The following ARHGAP24 variants were observed in gnomAD, a reference collection of about 807,000 sequenced individuals.
ARHGAP24 encodes the protein rho GTPase-activating protein 24.
A neutral mutation model predicts 76.4 loss-of-function variants in ARHGAP24; 50 were observed. The ratio of observed to expected loss-of-function variants is 0.65; its 90% CI spans 0.52 to 0.83. The LOEUF is 0.83. Ranked by LOEUF, ARHGAP24 falls within the 40% of genes least tolerant of loss-of-function variation. ARHGAP24 has a pLI of 0.00. For missense variants in ARHGAP24, 930 were observed against 914.2 expected, an observed-to-expected ratio of 1.02 and a Z score of -0.22; for synonymous variants, 345 against 323.3, an observed-to-expected ratio of 1.07 and a Z score of -0.72.
In ARHGAP24 at chr4:85,687,114, TGATG is replaced by T. The variant is rs1264287420; in HGVS notation, c.181-34763_181-34760del. 3.4e-3 allele frequency among the ~76,000 whole-genome samples: 519 copies of T among 150,534 alleles called. 3 individuals are homozygous for T. Among genetic ancestry groups the T allele is most frequent in the African/African-American group, 0.012 (491 of 39,972 alleles). Reference sequence around the variant, plus strand: ...TAGATAATGGTGATGATGATGATGATGATGGATGGATAGATAGATAATTTTAATT... The same window carrying T: ...TAGATAATGGTGATGATGATGATGATGATGGATAGATAGATAATTTTAATT... On this transcript the variant is annotated intron_variant, in intron 2 of 9. Transcript: ENST00000395184.
chr4:85,771,768 G>C (rs977294294), intron 3 of ARHGAP24, among the ~76,000 whole-genome samples: 6 of 152,140 alleles, frequency 3.9e-5, no homozygotes, highest in African/African-American at 1.4e-4. Flanking sequence ...TGAGTGCAGT[G>C]GCACAATCCC....
intron 3 of ARHGAP24, among the ~76,000 whole-genome samples, chr4:85,823,879 C>G (rs1578263603): frequency 7.4e-6 from 1 of 135,552 alleles, no homozygotes; most frequent in South Asian, 2.8e-4. Context: ...CCCCTTTCTT[C>G]CCTTTCTTTC....
intron 3 of ARHGAP24, among the ~76,000 whole-genome samples, chr4:85,873,334 G>A (rs543812264): frequency 1.3e-5 from 2 of 152,280 alleles, no homozygotes; most frequent in South Asian, 2.1e-4. Context: ...CATTATGGCC[G>A]CTTGATAAAT....
intron 4 of ARHGAP24, among the ~76,000 whole-genome samples, chr4:85,939,274 G>T (rs932221267): frequency 2.6e-5 from 4 of 152,168 alleles, no homozygotes; most frequent in Middle Eastern, 3.2e-3. Flanking sequence ...CTCAGTTGTA[G>T]AATGTACTAA....
chr4:85,630,161 A>G (rs1221238557), intron 2 of ARHGAP24, among the ~76,000 whole-genome samples: 1 of 152,072 alleles, frequency 6.6e-6, no homozygotes, highest in Non-Finnish European at 1.5e-5. Flanking sequence ...CAGTTCAGGC[A>G]TTGGAGTTTT....
chr4:85,567,774 TTTTAATCA>T (rs1195806455), intron 1 of ARHGAP24, among the ~76,000 whole-genome samples: 1 of 152,206 alleles, frequency 6.6e-6, no homozygotes, highest in Non-Finnish European at 1.5e-5. Flanking sequence ...AAGTGTAGAA[TTTTAATCA>T]TTTTATTTCT....
At chr4:85,557,375 T>C (rs1346468966) in intron 1 of ARHGAP24, among the ~76,000 whole-genome samples, 1 of 152,218 alleles carries the variant, frequency 6.6e-6, no homozygotes, top group Non-Finnish European at 1.5e-5. Context: ...CATGTGTGCT[T>C]GAGCAGGGCT....
Position 85,643,504 on chromosome 4 carries a change from C to T in ARHGAP24, c.180+72783C>T, listed in dbSNP as rs960733878. ...CGATCTCCTGACCTCATGATCCACC[C>T]GCCTCGGCCTCCCAAAGTGCTGGGA... On this transcript the variant is annotated intron_variant, in intron 2 of 9. Transcript: ENST00000395184. Among the ~76,000 whole-genome samples, 5 of 77,178 alleles carry T rather than the reference C, an allele frequency of 6.5e-5. 1 individual carries two copies. Among genetic ancestry groups the T allele is most frequent in the African/African-American group, 1.5e-4 (4 of 27,348 alleles). 50.6% of individuals were successfully genotyped at this position (77,178 alleles called of 152,430 possible).
chr4:85,898,053 ATATAT>A (rs1278314408), intron 3 of ARHGAP24, among the ~76,000 whole-genome samples: 13 of 121,832 alleles, frequency 1.1e-4, no homozygotes, highest in South Asian at 4.7e-4. Context: ...ATATATATAT[ATATAT>A]AATTATTTTT....
In ARHGAP24 at chr4:86,000,591, C is replaced by T. The variant is rs755986735; in HGVS notation, c.2116C>T (p.Arg706Ter). ...MIEIKMRNAE[R>*]AKEDAEKRND... ...AGAAATAAAAATGCGAAATGCCGAG[C>T]GAGCAAAAGAAGATGCCGAGAAAAG... is the stretch of plus-strand genomic sequence containing the variant. Residue 706 changes from arginine to a stop codon, truncating the protein, a stop_gained, in exon 10 of 10, where the codon CGA becomes TGA. Transcript: ENST00000395184. LOFTEE classifies it high-confidence loss of function. 2.5e-6 allele frequency: 4 copies of T among 1,613,536 alleles called. No homozygotes were observed. The highest frequency in any genetic ancestry group is 2.2e-5 in the East Asian group (1 of 44,844).
Position 85,972,150 on chromosome 4 carries a change from C to T in ARHGAP24, c.714C>T (p.Leu238=), listed in dbSNP as rs759553413. The T allele has an allele frequency of 6.8e-6, 11 of 1,613,562 alleles. No homozygotes were observed. Among genetic ancestry groups the T allele is most frequent in the Admixed American group, 1.7e-5 (1 of 59,940 alleles). ...ATTTTTTGTCATGTGCCAAACTGCT[C>T]AGCAAGGAAGAGGAAGCAGTAAGTT... ...YEDFLSCAKL[L]SKEEEAGVKE... The change falls in exon 6 of 10, where the codon CTC becomes CTT. Residue 238 remains leucine (L), a synonymous_variant. Transcript: ENST00000395184.
chr4:85,545,139 G>A (rs4693704), intron 1 of ARHGAP24, among the ~76,000 whole-genome samples: 40,463 of 150,988 alleles, frequency 0.27, 7,365 homozygotes, highest in East Asian at 0.79. Context: ...TTTACTTGTC[G>A]CCCAGGCTGG....
chr4:85,999,053 G>A (rs995960947), intron 9 of ARHGAP24, among the ~76,000 whole-genome samples: 2 of 152,084 alleles, frequency 1.3e-5, no homozygotes, highest in African/African-American at 2.4e-5. Flanking sequence ...ACTTTTATAT[G>A]TTTGCATTGG....
At chr4:85,973,469 T>G (rs1739110780) in intron 6 of ARHGAP24, among the ~76,000 whole-genome samples, 1 of 152,232 alleles carries the variant, frequency 6.6e-6, no homozygotes, top group Admixed American at 6.5e-5. Context: ...TTTCTCACAT[T>G]CTGTGAGTTG....
At chr4:85,591,031 G>GTTTTTTTTTT (rs35373441) in intron 2 of ARHGAP24, among the ~76,000 whole-genome samples, 2 of 62,654 alleles carry the variant, frequency 3.2e-5, no homozygotes, top group African/African-American at 6.8e-5. Flanking sequence ...AATCTGCTGG[G>GTTTTTTTTTT]TTTTTTTTTT....
intron 2 of ARHGAP24, among the ~76,000 whole-genome samples, chr4:85,627,047 G>T (rs1238622496): frequency 6.6e-6 from 1 of 152,104 alleles, no homozygotes; most frequent in Non-Finnish European, 1.5e-5. Context: ...GGAGTAGTTT[G>T]ATCATCTGAA....
In ARHGAP24 at chr4:85,649,011, A is replaced by ATGTGTGTG. The variant is rs3028048; in HGVS notation, c.181-72856_181-72849dup. Among the ~76,000 whole-genome samples the ATGTGTGTG allele has an allele frequency of 2.4e-3, 360 of 148,030 alleles. 2 individuals carry two copies. Among genetic ancestry groups the ATGTGTGTG allele is most frequent in the African/African-American group, 9.1e-3 (350 of 38,364 alleles). On this transcript the variant is annotated intron_variant, in intron 2 of 9. Coordinates refer to ENST00000395184, the MANE Select transcript of ARHGAP24 (RefSeq NM_001025616.3). The stretch of plus-strand genomic sequence containing the variant: ...TTTGGGTTAAATTGCATTTGTAAAT[A>ATGTGTGTG]TGTGTGTGTGTGTGTGTGTGTGTGT...
At chr4:85,503,070 A>G (rs534117040) in intron 1 of ARHGAP24, among the ~76,000 whole-genome samples, 1 of 152,350 alleles carries the variant, frequency 6.6e-6, no homozygotes, top group South Asian at 2.1e-4. Context: ...GATGAAGCCG[A>G]CTTGATCGTA....
intron 1 of ARHGAP24, among the ~76,000 whole-genome samples, chr4:85,544,095 T>A (rs1725812775): frequency 6.6e-6 from 1 of 152,232 alleles, no homozygotes; most frequent in Non-Finnish European, 1.5e-5. Flanking sequence ...ATCTAAATGA[T>A]GACTTCATTG....
Sources: gnomAD v4.1 joint callset for allele counts (sites outside exome capture counted in the v4.1 genomes callset) on GRCh38, gnomAD v4.1.1 for gene constraint, MANE v1.5 for transcripts, NCBI Gene and HGNC (gene_info 2026-07-23, HGNC 2026-07-21) for gene names.